RSRC1: variants seen among roughly 807,000 people sequenced by gnomAD.
RSRC1 encodes arginine and serine rich coiled-coil 1, also known as serine/Arginine-related protein 53.
In RSRC1, 39 loss-of-function variants were observed where a neutral mutation model predicts 49.1. The ratio of observed to expected loss-of-function variants is 0.79; its 90% CI spans 0.61 to 1.04. The LOEUF is 1.04. Ranked by LOEUF, RSRC1 falls within the 50% of genes least tolerant of loss-of-function variation. The probability of loss-of-function intolerance (pLI) is 0.00; values close to 1 mark genes in which losing one functional copy is unlikely to be tolerated. For synonymous variants in RSRC1, 143 were observed against 130.8 expected (o/e 1.09, Z -0.63); for missense variants, 388 against 402.4 (o/e 0.96, Z 0.31).
chr3:158,259,523 C>T (rs1416526375), intron 4 of RSRC1, among the ~76,000 whole-genome samples: 2 of 152,160 alleles, frequency 1.3e-5, no homozygotes, highest in Non-Finnish European at 2.9e-5. Flanking sequence ...CTTGATCAGA[C>T]CCGTACTCAG....
At chr3:158,338,363 G>C (rs1578358104) in intron 5 of RSRC1, among the ~76,000 whole-genome samples, 1 of 152,136 alleles carries the variant, frequency 6.6e-6, no homozygotes, top group African/African-American at 2.4e-5. Context: ...CTAAGTTCTA[G>C]AGGCAAGATA....
intron 4 of RSRC1, among the ~76,000 whole-genome samples, chr3:158,281,265 C>T (rs145857996): frequency 1.3e-3 from 202 of 150,856 alleles, no homozygotes; most frequent in African/African-American, 4.8e-3. Flanking sequence ...ATAGGAAATA[C>T]TGAAAAGGAT....
At chr3:158,311,840 T>G (rs186579890) in intron 5 of RSRC1, among the ~76,000 whole-genome samples, 1 of 152,250 alleles carries the variant, frequency 6.6e-6, no homozygotes, top group African/African-American at 2.4e-5. Context: ...GTATATAATT[T>G]TTATGTGTCA....
chr3:158,324,773 G>A (rs1465761145), intron 5 of RSRC1, among the ~76,000 whole-genome samples: 1 of 152,132 alleles, frequency 6.6e-6, no homozygotes, highest in East Asian at 1.9e-4. Flanking sequence ...AGGTCAAATG[G>A]TATTTCTAGT....
intron 6 of RSRC1, among the ~76,000 whole-genome samples, chr3:158,367,705 A>G (rs569588301): frequency 6.6e-6 from 1 of 152,126 alleles, no homozygotes; most frequent in Non-Finnish European, 1.5e-5. Context: ...GTGCTTTTAA[A>G]ACAAAACAAA....
At chr3:158,224,033 T>G (rs778779858) in intron 4 of RSRC1, among the ~76,000 whole-genome samples, 2 of 151,764 alleles carry the variant, frequency 1.3e-5, no homozygotes, top group African/African-American at 2.4e-5. Context: ...ATCATCTTGT[T>G]AGTACTCCCA....
At chr3:158,160,909 A>G (rs562284331) in intron 3 of RSRC1, among the ~76,000 whole-genome samples, 57 of 133,460 alleles carry the variant, frequency 4.3e-4, no homozygotes, top group Non-Finnish European at 6.1e-4. Context: ...AGATGAAGAA[A>G]CAGACTTACA....
chr3:158,285,747 C>T (rs1171745448), intron 4 of RSRC1, among the ~76,000 whole-genome samples: 1 of 151,988 alleles, frequency 6.6e-6, no homozygotes, highest in South Asian at 2.1e-4. Flanking sequence ...GATTTTGTAT[C>T]CTGAGACTTT....
intron 7 of RSRC1, among the ~76,000 whole-genome samples, chr3:158,511,256 C>T (rs577877987): frequency 3.3e-5 from 5 of 152,180 alleles, no homozygotes; most frequent in African/African-American, 1.2e-4. Flanking sequence ...TCCCTTCCCC[C>T]TCCCCCTACC....
chr3:158,122,399 A>G (rs964929105), intron 2 of RSRC1, 101 bp downstream of exon 2: 1 of 892,324 alleles, frequency 1.1e-6, no homozygotes, highest in African/African-American at 1.8e-5. Flanking sequence ...TTTTTCTTTT[A>G]CTAGCTATAT....
At chr3:158,395,583 A>G (rs1733569117) in intron 6 of RSRC1, among the ~76,000 whole-genome samples, 4 of 152,098 alleles carry the variant, frequency 2.6e-5, no homozygotes, top group Admixed American at 2.6e-4. Context: ...AATGTGCTCA[A>G]CTTCACTGGT....
At chr3:158,542,819 A>C (rs1328340357) in intron 8 of RSRC1, among the ~76,000 whole-genome samples, 1 of 152,200 alleles carries the variant, frequency 6.6e-6, no homozygotes, top group Non-Finnish European at 1.5e-5. Context: ...ATTGTATGGT[A>C]TATGAATTCT....
chr3:158,296,047 A>C (rs2108113885), intron 4 of RSRC1, among the ~76,000 whole-genome samples: 1 of 152,196 alleles, frequency 6.6e-6, no homozygotes, highest in South Asian at 2.1e-4. Flanking sequence ...ACCTTTCTAA[A>C]ATCTGAAATA....
chr3:158,148,875 C>A (rs1217857006), intron 3 of RSRC1, among the ~76,000 whole-genome samples: 1 of 151,892 alleles, frequency 6.6e-6, no homozygotes. Context: ...CCTCCACCTC[C>A]CAGGTTCAAG....
chr3:158,195,984 CT>C (rs1364138402), intron 3 of RSRC1, among the ~76,000 whole-genome samples: 1 of 151,956 alleles, frequency 6.6e-6, no homozygotes, highest in Non-Finnish European at 1.5e-5. Flanking sequence ...GATGCGGGCT[CT>C]TTTTTGGTTC....
At chr3:158,278,302 C>T (rs1383353433) in intron 4 of RSRC1, among the ~76,000 whole-genome samples, 1 of 152,164 alleles carries the variant, frequency 6.6e-6, no homozygotes, top group Non-Finnish European at 1.5e-5. Context: ...TTTAAATTTT[C>T]GTAGACTTAC....
At chr3:158,435,474 G>C (rs1043057354) in intron 6 of RSRC1, among the ~76,000 whole-genome samples, 4 of 151,648 alleles carry the variant, frequency 2.6e-5, no homozygotes, top group East Asian at 1.9e-4. Flanking sequence ...TATAGGACTT[G>C]TGGTGGCTGT....
intron 7 of RSRC1, among the ~76,000 whole-genome samples, chr3:158,521,440 T>C (rs1162199451): frequency 6.6e-6 from 1 of 152,142 alleles, no homozygotes; most frequent in Non-Finnish European, 1.5e-5. Flanking sequence ...GGATTTTTCA[T>C]TTGTCCAAGT....
rs532012098 is a variant in RSRC1, at chr3:158,324,415, A to G, written c.531+26340A>G. 1.4e-3 allele frequency among the ~76,000 whole-genome samples: 213 copies of G among 152,102 alleles called. 1 individual carries two copies. The highest frequency in any genetic ancestry group is 3.8e-3 in the South Asian group (18 of 4,798). On this transcript the variant is annotated intron_variant, in intron 5 of 9. Coordinates refer to ENST00000611884, the MANE Select transcript of RSRC1 (RefSeq NM_001271838.2). ...ACCCCACGACAGGCCCCGGTGTGTG[A>G]TGTTCCCCTTCCTGTGTCCAAGTGT...
Sources: gnomAD v4.1 joint callset for allele counts (sites outside exome capture counted in the v4.1 genomes callset) on GRCh38, gnomAD v4.1.1 for gene constraint, MANE v1.5 for transcripts, NCBI Gene and HGNC (gene_info 2026-07-23, HGNC 2026-07-21) for gene names.